The following FMN1 variants were observed in gnomAD, a reference collection of about 807,000 sequenced individuals.
FMN1 encodes the protein formin 1.
A neutral mutation model predicts 132.4 loss-of-function variants in FMN1; 110 were observed. That is an observed-to-expected ratio of 0.83 (90% CI 0.71 to 0.97). The LOEUF is 0.97. Ranked by LOEUF, FMN1 falls within the 50% of genes least tolerant of loss-of-function variation. The pLI, the probability that FMN1 is intolerant of heterozygous loss-of-function variation, is 0.00. For missense variants in FMN1, 1,792 were observed against 1,705.3 expected (o/e 1.05, Z -0.90); for synonymous variants, 722 against 651.7 (o/e 1.11, Z -1.64).
intron 4 of FMN1, among the ~76,000 whole-genome samples, chr15:33,128,268 A>C (rs759796728): frequency 2.6e-5 from 4 of 152,210 alleles, no homozygotes; most frequent in African/African-American, 9.7e-5. Context: ...AGCAATAATT[A>C]GAAGCGCAAC....
chr15:33,105,620 A>C (rs150784993), intron 4 of FMN1: 113 of 152,234 alleles, frequency 7.4e-4, no homozygotes, highest in African/African-American at 2.5e-3. Flanking sequence ...AAAATAGGGA[A>C]TCTTGACTAA....
intron 16 of FMN1, among the ~76,000 whole-genome samples, chr15:32,858,674 T>A (rs1442291679): frequency 6.6e-6 from 1 of 152,244 alleles, no homozygotes; most frequent in Admixed American, 6.5e-5. Flanking sequence ...ACTAATTTTT[T>A]AAATGACTTA....
intron 16 of FMN1, among the ~76,000 whole-genome samples, chr15:32,876,868 C>A (rs1289917868): frequency 6.6e-6 from 1 of 152,178 alleles, no homozygotes. Flanking sequence ...ACAAAGGATA[C>A]AACATTTAAT....
chr15:32,982,118 C>A (rs989765363), intron 7 of FMN1, among the ~76,000 whole-genome samples: 2 of 152,050 alleles, frequency 1.3e-5, no homozygotes, highest in Non-Finnish European at 2.9e-5. Context: ...ATACGAATAG[C>A]AAATAAGCAC....
chr15:33,175,996 CAT>C (rs1341470750), intron 3 of FMN1, among the ~76,000 whole-genome samples: 4 of 152,164 alleles, frequency 2.6e-5, no homozygotes, highest in African/African-American at 7.2e-5. Context: ...AGACGTGAGA[CAT>C]GTGAATTTTG....
At chr15:33,083,425 T>C (rs2141335825) in intron 5 of FMN1, among the ~76,000 whole-genome samples, 1 of 152,296 alleles carries the variant, frequency 6.6e-6, no homozygotes, top group Non-Finnish European at 1.5e-5. Flanking sequence ...CAAGGGAACC[T>C]TGTGATTAGG....
intron 16 of FMN1, among the ~76,000 whole-genome samples, chr15:32,882,935 T>G (rs1172814964): frequency 6.6e-6 from 1 of 152,246 alleles, no homozygotes. Context: ...ACAGATACAT[T>G]GATTCCTGAC....
At chr15:32,781,359 T>C (rs905307789) in intron 19 of FMN1, among the ~76,000 whole-genome samples, 2 of 152,200 alleles carry the variant, frequency 1.3e-5, no homozygotes, top group Non-Finnish European at 2.9e-5. Flanking sequence ...ACAATTTGCT[T>C]AAAACACACA....
chr15:33,156,225 G>A (rs1335282076), intron 3 of FMN1, among the ~76,000 whole-genome samples: 2 of 151,392 alleles, frequency 1.3e-5, no homozygotes, highest in African/African-American at 4.9e-5. Context: ...GACCAGGAGA[G>A]GCCTTGCCTC....
At chr15:32,904,183 C>G (rs532810191) in intron 12 of FMN1, among the ~76,000 whole-genome samples, 279 of 151,876 alleles carry the variant, frequency 1.8e-3, no homozygotes, top group African/African-American at 6.3e-3. Context: ...AGAAGAGGAG[C>G]TAGGAAAGCA....
intron 16 of FMN1, among the ~76,000 whole-genome samples, chr15:32,886,071 A>T (rs2059889188): frequency 1.3e-5 from 2 of 152,220 alleles, no homozygotes; most frequent in South Asian, 4.1e-4. Context: ...TGGAAACGTT[A>T]AGATGAAACG....
chr15:32,802,597 G>A (rs764873925), intron 18 of FMN1, among the ~76,000 whole-genome samples: 1 of 152,140 alleles, frequency 6.6e-6, no homozygotes, highest in African/African-American at 2.4e-5. Flanking sequence ...CACGGAAAAC[G>A]CTGACAACCA....
chr15:32,851,650 T>C (rs1441109667), intron 17 of FMN1, among the ~76,000 whole-genome samples: 3 of 152,152 alleles, frequency 2.0e-5, no homozygotes, highest in African/African-American at 7.2e-5. Context: ...ATTCAATTCT[T>C]CTCAGAAAAT....
In FMN1 at chr15:32,964,099, C is replaced by T. The variant is rs751231591; in HGVS notation, c.3138+8G>A. On this transcript the variant is annotated splice_region_variant and intron_variant, in intron 9 of 20. Transcript: ENST00000616417. ...TATAATTACAGCTTTGCCATAATCA[C>T]TCAGTACCTTTTTGACCTTGTTTTT... 18 of 1,607,242 alleles carry T rather than the reference C, an allele frequency of 1.1e-5. No homozygotes were observed. In the South Asian group the frequency reaches 1.7e-4, roughly 15 times the overall value.
At chr15:32,903,817 C>T (rs144636830) in intron 12 of FMN1, among the ~76,000 whole-genome samples, 79 of 152,286 alleles carry the variant, frequency 5.2e-4, no homozygotes, top group African/African-American at 1.8e-3. Context: ...TTGCAAGGCT[C>T]TCTAGGATTA....
At chr15:32,782,429 T>A (rs1478281947) in intron 19 of FMN1, among the ~76,000 whole-genome samples, 18 of 152,174 alleles carry the variant, frequency 1.2e-4, no homozygotes, top group Admixed American at 1.1e-3. Flanking sequence ...CAGTTACTGA[T>A]TAGCTGATTA....
chr15:32,966,164 C>T (rs1189724116), intron 8 of FMN1, among the ~76,000 whole-genome samples: 1 of 152,080 alleles, frequency 6.6e-6, no homozygotes, highest in East Asian at 1.9e-4. Flanking sequence ...CCACTTCCTG[C>T]ACCTGCTTGG....
chr15:32,886,933 T>C (rs2059909922), intron 16 of FMN1, among the ~76,000 whole-genome samples: 1 of 152,136 alleles, frequency 6.6e-6, no homozygotes, highest in South Asian at 2.1e-4. Flanking sequence ...CGACCGCAAG[T>C]TCACATATCG....
chr15:33,106,060 G>C (rs953887267), intron 4 of FMN1: 1 of 152,024 alleles, frequency 6.6e-6, no homozygotes, highest in Non-Finnish European at 1.5e-5. Context: ...GTACATAAGG[G>C]GAGGCTCTGA....
Sources: allele counts gnomAD v4.1 joint callset (sites outside exome capture counted in the v4.1 genomes callset), GRCh38; gene constraint gnomAD v4.1.1; transcripts MANE v1.5; gene names NCBI Gene and HGNC (gene_info 2026-07-23, HGNC 2026-07-21).